ERG: variants seen among roughly 807,000 people sequenced by gnomAD.
The protein encoded by ERG is transcriptional regulator ERG.
A neutral mutation model predicts 55.3 loss-of-function variants in ERG; 9 were observed. That is an observed-to-expected ratio of 0.16 (90% CI 0.10 to 0.28). ERG has a LOEUF of 0.28. Among genes scored for constraint, ERG ranks in the 10% least tolerant of loss-of-function variants. The probability of loss-of-function intolerance (pLI) is 1.00; values close to 1 mark genes in which losing one functional copy is unlikely to be tolerated. For synonymous variants in ERG, 223 were observed against 237.3 expected (o/e 0.94, Z 0.55); for missense variants, 434 against 631.6 (o/e 0.69, Z 3.35).
intron 2 of ERG, among the ~76,000 whole-genome samples, chr21:38,435,360 T>C (rs905810439): frequency 1.3e-5 from 2 of 152,170 alleles, no homozygotes; most frequent in Non-Finnish European, 2.9e-5. Flanking sequence ...GGGTAATTTG[T>C]GGGTCTGTTT....
Position 38,391,578 on chromosome 21 carries a change from T to C in ERG, c.871+81A>G, listed in dbSNP as rs1987974033. ...AGGCAAACAATCATGTTAATTTCCA[T>C]TAAAAAGTGAAGCATTTTAGAAATG... On this transcript the variant is annotated intron_variant, in intron 8 of 9. Transcript: ENST00000288319. 2.5e-6 allele frequency: 3 copies of C among 1,179,630 alleles called. No individual in the cohort carries two copies. In the East Asian group the frequency reaches 7.1e-5, roughly 28 times the overall value. The allele number at this position is 1,179,630 out of a possible 1,614,324, so 73.1% of individuals were successfully genotyped here.
At chr21:38,385,438 T>C (rs1449394384) in intron 9 of ERG, among the ~76,000 whole-genome samples, 1 of 152,240 alleles carries the variant, frequency 6.6e-6, no homozygotes, top group East Asian at 1.9e-4. Flanking sequence ...TAATATACTG[T>C]AAAAATCAAT....
chr21:38,549,487 C>A (rs2059810110), intron 2 of ERG, among the ~76,000 whole-genome samples: 1 of 152,166 alleles, frequency 6.6e-6, no homozygotes, highest in Admixed American at 6.5e-5. Flanking sequence ...ATCTACTTTT[C>A]TGCAATTTGG....
intron 2 of ERG, among the ~76,000 whole-genome samples, chr21:38,567,564 T>G (rs1047787123): frequency 6.6e-6 from 1 of 152,346 alleles, no homozygotes; most frequent in East Asian, 1.9e-4. Flanking sequence ...ATCAGCTTCA[T>G]AGTAGACAGA....
intron 2 of ERG, among the ~76,000 whole-genome samples, chr21:38,521,738 G>A (rs2059596144): frequency 6.6e-6 from 1 of 152,156 alleles, no homozygotes; most frequent in East Asian, 1.9e-4. Flanking sequence ...TGGTGACAAA[G>A]CTCCCCTGAG....
At chr21:38,518,443 G>A (rs960592045) in intron 2 of ERG, among the ~76,000 whole-genome samples, 1 of 152,068 alleles carries the variant, frequency 6.6e-6, no homozygotes, top group Non-Finnish European at 1.5e-5. Flanking sequence ...AGAAAGGAAA[G>A]TTCAGAAACA....
chr21:38,638,318 A>G (rs1424361015), intron 1 of ERG, among the ~76,000 whole-genome samples: 4 of 152,228 alleles, frequency 2.6e-5, no homozygotes, highest in African/African-American at 9.6e-5. Context: ...TCGGCATTCT[A>G]TAAGCGTGAG....
intron 1 of ERG, among the ~76,000 whole-genome samples, chr21:38,496,555 TA>T (rs1404117561): frequency 5.9e-5 from 9 of 151,558 alleles, no homozygotes; most frequent in African/African-American, 1.5e-4. Flanking sequence ...AACAGAAGAT[TA>T]AAAAAAAATT....
chr21:38,647,740 C>A (rs1601351781), intron 1 of ERG, among the ~76,000 whole-genome samples: 1 of 152,248 alleles, frequency 6.6e-6, no homozygotes, highest in East Asian at 1.9e-4. Context: ...TTAAGGTATC[C>A]CCAAAATGAT....
intron 2 of ERG, among the ~76,000 whole-genome samples, chr21:38,575,468 A>G (rs1016242646): frequency 2.6e-5 from 4 of 152,156 alleles, no homozygotes; most frequent in African/African-American, 9.7e-5. Flanking sequence ...CTGAAATGTA[A>G]ATTTCATGCA....
chr21:38,507,056 C>G (rs985585424), intron 2 of ERG, among the ~76,000 whole-genome samples: 1 of 152,006 alleles, frequency 6.6e-6, no homozygotes, highest in Non-Finnish European at 1.5e-5. Context: ...CCCAGCTTCG[C>G]TGGGGTGCAA....
chr21:38,596,610 A>C (rs2212596), intron 1 of ERG, among the ~76,000 whole-genome samples: 68,822 of 152,068 alleles, frequency 0.45, 15,845 homozygotes, highest in Middle Eastern at 0.57. Context: ...GATGACAGAA[A>C]TTCAACTACA....
intron 1 of ERG, chr21:38,575,868 G>T: frequency 3.9e-6 from 3 of 772,830 alleles, no homozygotes; most frequent in South Asian, 3.4e-5. Context: ...CATTAAACAT[G>T]TTTGCCTAAA....
chr21:38,498,427 T>C lies in ERG; in HGVS notation c.-47A>G. 1.3e-6 allele frequency: 2 copies of C among 1,597,996 alleles called. No individual in the cohort carries two copies. Among genetic ancestry groups the C allele is most frequent in the African/African-American group, 1.3e-5 (1 of 74,380 alleles). Reference sequence around the variant, plus strand: ...CGTTAATAAATGTTAATAATAATTATTGCTTCTCTCTGACCAGAAAGTAGT... The same window carrying C: ...CGTTAATAAATGTTAATAATAATTACTGCTTCTCTCTGACCAGAAAGTAGT... On this transcript the variant is annotated 5_prime_UTR_variant, in exon 1 of 10. Transcript: ENST00000288319. This position sits in a 1 kb window ranked among gnomAD's most constrained non-coding sequence, Gnocchi z 4.6.
chr21:38,406,870 A>T (rs2836375), intron 3 of ERG, among the ~76,000 whole-genome samples: 138,937 of 152,212 alleles, frequency 0.91, 63,498 homozygotes, highest in Non-Finnish European at 0.94. Context: ...TCATCAAGAC[A>T]AGGGTTATCC....
chr21:38,514,740 CTTAG>C (rs969795109), intron 2 of ERG, among the ~76,000 whole-genome samples: 11 of 151,804 alleles, frequency 7.2e-5, no homozygotes, highest in South Asian at 6.2e-4. Flanking sequence ...AATTGGCAGT[CTTAG>C]TTAGTAAAGA....
intron 2 of ERG, among the ~76,000 whole-genome samples, chr21:38,562,408 C>A (rs1420578959): frequency 6.6e-6 from 1 of 152,096 alleles, no homozygotes; most frequent in African/African-American, 2.4e-5. Context: ...GGCTTTCCAG[C>A]CTGGCTTTAA....
chr21:38,632,295 A>G (rs764220404), intron 1 of ERG, among the ~76,000 whole-genome samples: 47 of 152,190 alleles, frequency 3.1e-4, no homozygotes, highest in Admixed American at 5.9e-4. Context: ...TCATCAGAAA[A>G]ATGCAGATTG....
chr21:38,528,063 C>T (rs974532492), intron 2 of ERG, among the ~76,000 whole-genome samples: 3 of 152,316 alleles, frequency 2.0e-5, no homozygotes, highest in Admixed American at 6.5e-5. Context: ...CTCTCTCCCC[C>T]AGCTTCTGGG....
Sources: gnomAD v4.1 joint callset for allele counts (sites outside exome capture counted in the v4.1 genomes callset) on GRCh38, gnomAD v4.1.1 for gene constraint, Gnocchi (gnomAD v3.1) non-coding constraint, MANE v1.5 for transcripts, NCBI Gene and HGNC (gene_info 2026-07-23, HGNC 2026-07-21) for gene names.